The following EPB41L3 variants were observed in gnomAD, a reference collection of about 807,000 sequenced individuals.
EPB41L3 encodes the protein erythrocyte membrane protein band 4.1 like 3.
Under a neutral mutation model 127.1 loss-of-function variants are expected in EPB41L3, and 57 were observed. The observed-to-expected ratio is 0.45, with a 90% CI of 0.36 to 0.56. The LOEUF (loss-of-function observed/expected upper bound fraction) is 0.56. Ranked by LOEUF, EPB41L3 falls within the 20% of genes least tolerant of loss-of-function variation. The probability of loss-of-function intolerance (pLI) is 0.00; values close to 1 mark genes in which losing one functional copy is unlikely to be tolerated. For missense variants in EPB41L3, 1,273 were observed against 1,372.2 expected, an observed-to-expected ratio of 0.93 and a Z score of 1.14; for synonymous variants, 572 against 549.5, an observed-to-expected ratio of 1.04 and a Z score of -0.57.
At chr18:5,495,997 C>T (rs1257401563) in intron 1 of EPB41L3, among the ~76,000 whole-genome samples, 1 of 152,220 alleles carries the variant, frequency 6.6e-6, no homozygotes, top group Non-Finnish European at 1.5e-5. Context: ...AGACCTCTCC[C>T]ACCACTGTGT....
At chr18:5,582,950 G>A (rs971568937) in intron 3 of EPB41L3, among the ~76,000 whole-genome samples, 20 of 152,168 alleles carry the variant, frequency 1.3e-4, no homozygotes, top group Admixed American at 9.8e-4. Context: ...TCACAGCAGG[G>A]GCTGGGGAAA....
chr18:5,621,798 A>C (rs2094865824), intron 1 of EPB41L3, among the ~76,000 whole-genome samples: 1 of 152,246 alleles, frequency 6.6e-6, no homozygotes, highest in African/African-American at 2.4e-5. Flanking sequence ...AAAGTGTAAC[A>C]GTTTTTCCTA....
intron 1 of EPB41L3, among the ~76,000 whole-genome samples, chr18:5,625,401 G>A (rs1358719951): frequency 6.6e-6 from 1 of 152,086 alleles, no homozygotes; most frequent in Non-Finnish European, 1.5e-5. Context: ...GTGTCTGTCA[G>A]GGAGCAACGT....
chr18:5,394,543 T>A, intron 22 of EPB41L3, 134 bp downstream of exon 22: 1 of 653,960 alleles, frequency 1.5e-6, no homozygotes, highest in South Asian at 2.1e-5. Flanking sequence ...CAATTCTCCA[T>A]CCTCTTGGTA....
chr18:5,407,111 A>C (rs2075524113), intron 15 of EPB41L3, 143 bp from the exon 16 acceptor site: 1 of 665,024 alleles, frequency 1.5e-6, no homozygotes, highest in Non-Finnish European at 2.6e-6. Flanking sequence ...TGGCACTACC[A>C]CAAACACTCT....
At chr18:5,594,685 T>G (rs141683331) in intron 3 of EPB41L3, among the ~76,000 whole-genome samples, 14 of 152,308 alleles carry the variant, frequency 9.2e-5, no homozygotes, top group African/African-American at 3.4e-4. Flanking sequence ...AATTGTTTGC[T>G]CCCCTCACTG....
intron 1 of EPB41L3, among the ~76,000 whole-genome samples, chr18:5,620,276 T>C (rs16948514): frequency 0.054 from 8,239 of 152,272 alleles, 333 homozygotes; most frequent in South Asian, 0.2. Flanking sequence ...GAAAATGACA[T>C]TGCTGCTTAC....
At chr18:5,567,260 T>A (rs528773188) in intron 3 of EPB41L3, 2 of 152,380 alleles carry the variant, frequency 1.3e-5, no homozygotes, top group East Asian at 3.9e-4. Context: ...GACAGTGCAC[T>A]GTCCCAGGAC....
chr18:5,540,538 C>T, intron 1 of EPB41L3: 1 of 985,444 alleles, frequency 1.0e-6, no homozygotes, highest in Non-Finnish European at 1.2e-6. Flanking sequence ...TTCCCCACAG[C>T]CAAGGCAAAT....
At chr18:5,428,252 A>G in intron 9 of EPB41L3, 61 bp downstream of exon 9, 1 of 1,591,678 alleles carries the variant, frequency 6.3e-7, no homozygotes, top group Non-Finnish European at 8.6e-7. Context: ...GATAATTTAA[A>G]TGCTTGCTTG....
chr18:5,558,992 GA>G (rs1414647784), intron 3 of EPB41L3, among the ~76,000 whole-genome samples: 1 of 152,094 alleles, frequency 6.6e-6, no homozygotes, highest in Non-Finnish European at 1.5e-5. Context: ...ATAGTGTCTG[GA>G]ATTAATTAAG....
At chr18:5,502,066 C>CCTCCTGA (rs2091795707) in intron 1 of EPB41L3, among the ~76,000 whole-genome samples, 1 of 149,798 alleles carries the variant, frequency 6.7e-6, no homozygotes, top group Non-Finnish European at 1.5e-5. Context: ...CTGCCTCCTG[C>CCTCCTGA]CTCTGAGGTG....
intron 1 of EPB41L3, among the ~76,000 whole-genome samples, chr18:5,526,031 G>T (rs988575456): frequency 6.6e-6 from 1 of 151,976 alleles, no homozygotes; most frequent in Admixed American, 6.5e-5. Flanking sequence ...AAACGAGACA[G>T]CTCTATCAGG....
chr18:5,418,572 CAA>C (rs1441540612), intron 12 of EPB41L3, among the ~76,000 whole-genome samples: 3 of 152,114 alleles, frequency 2.0e-5, no homozygotes, highest in African/African-American at 7.2e-5. Context: ...AGTGTAAAAA[CAA>C]AATTTAGAAC....
chr18:5,549,467 T>C (rs368291013), intron 3 of EPB41L3, among the ~76,000 whole-genome samples: 2 of 152,350 alleles, frequency 1.3e-5, no homozygotes, highest in African/African-American at 4.8e-5. Flanking sequence ...TTGTCTGATA[T>C]CCAAGGCTGA....
chr18:5,514,883 G>A (rs1259413835), intron 1 of EPB41L3, among the ~76,000 whole-genome samples: 1 of 152,194 alleles, frequency 6.6e-6, no homozygotes, highest in African/African-American at 2.4e-5. Context: ...GGTATATAAT[G>A]TTTATTTCCC....
intron 3 of EPB41L3, among the ~76,000 whole-genome samples, chr18:5,569,061 T>C (rs2094244506): frequency 6.6e-6 from 1 of 152,242 alleles, no homozygotes; most frequent in Non-Finnish European, 1.5e-5. Context: ...CAATGTTTCC[T>C]TCAACAGGAC....
At chr18:5,600,610 A>G (rs752230761) in intron 3 of EPB41L3, among the ~76,000 whole-genome samples, 6 of 151,704 alleles carry the variant, frequency 4.0e-5, no homozygotes, top group Non-Finnish European at 7.4e-5. Flanking sequence ...AGAGATTTAA[A>G]AAAGCAAAGG....
chr18:5,488,279 A>AT (rs942563078), intron 2 of EPB41L3, among the ~76,000 whole-genome samples: 11 of 152,236 alleles, frequency 7.2e-5, no homozygotes, highest in African/African-American at 2.6e-4. Flanking sequence ...CAGGACATGG[A>AT]TGGAAACCAT....
Sources: allele counts gnomAD v4.1 joint callset (sites outside exome capture counted in the v4.1 genomes callset), GRCh38; gene constraint gnomAD v4.1.1; transcripts MANE v1.5; gene names NCBI Gene and HGNC (gene_info 2026-07-23, HGNC 2026-07-21).